PCLO: variants seen among roughly 807,000 people sequenced by gnomAD.
PCLO encodes protein piccolo.
PCLO carries 82 observed loss-of-function variants against 427.5 expected under a neutral mutation model. The ratio of observed to expected loss-of-function variants is 0.19; its 90% CI spans 0.16 to 0.23. The LOEUF is 0.23. Ranked by LOEUF, PCLO falls within the 10% of genes least tolerant of loss-of-function variation. The pLI, the probability that PCLO is intolerant of heterozygous loss-of-function variation, is 1.00. For synonymous variants in PCLO, 2,357 were observed against 2,155.4 expected (o/e 1.09, Z -2.59); for missense variants, 6,239 against 6,115.9 (o/e 1.02, Z -0.67).
At chr7:83,098,407 A>G (rs1244638423) in intron 3 of PCLO, among the ~76,000 whole-genome samples, 1 of 152,156 alleles carries the variant, frequency 6.6e-6, no homozygotes, top group African/African-American at 2.4e-5. Context: ...TGCTACACAT[A>G]AAGACTTGCG....
At chr7:83,050,997 A>G (rs1789240474) in intron 3 of PCLO, among the ~76,000 whole-genome samples, 1 of 152,096 alleles carries the variant, frequency 6.6e-6, no homozygotes, top group African/African-American at 2.4e-5. Flanking sequence ...GATGCAGGAA[A>G]ATCACTTGAC....
intron 3 of PCLO, among the ~76,000 whole-genome samples, chr7:83,118,349 T>C (rs1791185285): frequency 6.6e-6 from 1 of 152,060 alleles, no homozygotes; most frequent in Non-Finnish European, 1.5e-5. Flanking sequence ...ATAGAACTAC[T>C]ATACGTACAA....
At chr7:82,957,925 CA>C (rs745420953) in intron 4 of PCLO, among the ~76,000 whole-genome samples, 2 of 152,168 alleles carry the variant, frequency 1.3e-5, no homozygotes, top group African/African-American at 4.8e-5. Context: ...GCCATGACAA[CA>C]ATTTCGATTC....
chr7:83,019,999 A>G (rs1318785825), intron 3 of PCLO, among the ~76,000 whole-genome samples: 3 of 152,148 alleles, frequency 2.0e-5, no homozygotes, highest in Non-Finnish European at 4.4e-5. Context: ...AAGAGTCTAA[A>G]TGATGAAGAA....
intron 3 of PCLO, among the ~76,000 whole-genome samples, chr7:82,980,467 T>C (rs754360596): frequency 1.8e-4 from 27 of 152,112 alleles, no homozygotes; most frequent in Non-Finnish European, 3.4e-4. Flanking sequence ...GAAAGTGGCA[T>C]GATTGAGCCT....
rs530967084 is a variant in PCLO, at chr7:82,987,162, C to T, written c.3301-20675G>A. ...ACAGATGGAAATCTGAGGATACCAA[C>T]ATTTTGGCTGGATTTTACAAATAAC... On this transcript the variant is annotated intron_variant, in intron 3 of 24. Transcript: ENST00000333891. Among the ~76,000 whole-genome samples, 209 of 152,034 alleles carry T rather than the reference C, an allele frequency of 1.4e-3. 1 individual carries two copies. Among genetic ancestry groups the T allele is most frequent in the African/African-American group, 4.6e-3 (193 of 41,534 alleles).
chr7:83,107,328 A>C (rs1013269630), intron 3 of PCLO, among the ~76,000 whole-genome samples: 18 of 152,306 alleles, frequency 1.2e-4, no homozygotes, highest in Non-Finnish European at 1.0e-4. Flanking sequence ...GTAAGGAACA[A>C]AAATTAATAT....
chr7:82,906,813 A>AT (rs1420866793), intron 8 of PCLO, among the ~76,000 whole-genome samples: 3 of 151,948 alleles, frequency 2.0e-5, no homozygotes, highest in Non-Finnish European at 2.9e-5. Flanking sequence ...TGTATGTTAG[A>AT]TGTGAAAATG....
chr7:82,857,645 G>T (rs762507992), intron 10 of PCLO, among the ~76,000 whole-genome samples: 206 of 151,962 alleles, frequency 1.4e-3, no homozygotes, highest in Non-Finnish European at 6.3e-4. Flanking sequence ...ATACCCAGAA[G>T]TTTGCATAGA....
chr7:83,038,036 TA>T (rs1788858304), intron 3 of PCLO, among the ~76,000 whole-genome samples: 1 of 52,240 alleles, frequency 1.9e-5, no homozygotes, highest in Non-Finnish European at 3.0e-5. Flanking sequence ...TATATTTATA[TA>T]TTTATATATA....
chr7:82,797,712 A>T (rs1338805336), intron 22 of PCLO, among the ~76,000 whole-genome samples: 2 of 152,136 alleles, frequency 1.3e-5, no homozygotes, highest in African/African-American at 4.8e-5. Flanking sequence ...TCAATGATTG[A>T]TTAGTGGAGA....
rs1294594566 is a variant in PCLO at position 83,135,240 on chromosome 7, T to C, written c.2310A>G (p.Ser770=). 1.9e-6 allele frequency: 3 copies of C among 1,613,852 alleles called. No homozygotes were observed. The highest frequency in any genetic ancestry group is 2.7e-5 in the African/African-American group (2 of 74,916). The change falls in exon 3 of 25, where the codon TCA becomes TCG. Residue 770 remains serine, a synonymous_variant. Coordinates refer to ENST00000333891, the MANE Select transcript of PCLO (RefSeq NM_033026.6). ...GAATATCAGGTTTTGTTGTTGCTGA[T>C]GATGAAGATACAAGGTCAGTGGTTG... ...VKPTTDLVSS[S]SATTKPDIPS... is the part of the protein sequence containing the mutation.
chr7:82,830,380 G>A (rs1363626168), intron 16 of PCLO, among the ~76,000 whole-genome samples: 5 of 151,786 alleles, frequency 3.3e-5, no homozygotes, highest in Non-Finnish European at 7.4e-5. Flanking sequence ...GATGGTGATA[G>A]AATTAGTGTC....
intron 3 of PCLO, among the ~76,000 whole-genome samples, chr7:83,013,934 C>T (rs1788146784): frequency 6.6e-6 from 1 of 152,164 alleles, no homozygotes; most frequent in South Asian, 2.1e-4. Context: ...ATTATTGTTC[C>T]TGTTTCCATT....
intron 16 of PCLO, among the ~76,000 whole-genome samples, chr7:82,833,968 CTTAT>C (rs957874120): frequency 3.0e-4 from 45 of 152,216 alleles, no homozygotes; most frequent in African/African-American, 9.1e-4. Context: ...AAGGACCTCA[CTTAT>C]TGGCTTCCAC....
At chr7:82,916,972 T>C in intron 6 of PCLO, 99 bp from the exon 7 acceptor site, 8 of 819,644 alleles carry the variant, frequency 9.8e-6, no homozygotes, top group East Asian at 2.7e-5. Context: ...ATTTCATGTA[T>C]GATTTTGCTA....
chr7:82,781,688 C>T (rs1171576408), intron 22 of PCLO, among the ~76,000 whole-genome samples: 1 of 152,172 alleles, frequency 6.6e-6, no homozygotes, highest in African/African-American at 2.4e-5. Context: ...AATCTCTCTC[C>T]TGCCCTCCTT....
chr7:83,154,711 G>A (rs1379695420), intron 2 of PCLO, 37 bp downstream of exon 2: 1 of 1,427,974 alleles, frequency 7.0e-7, no homozygotes, highest in South Asian at 1.2e-5. Context: ...GGATGATATG[G>A]CTGAAGAGTA....
At chr7:82,907,895 C>A (rs1794228682) in intron 8 of PCLO, among the ~76,000 whole-genome samples, 1 of 151,918 alleles carries the variant, frequency 6.6e-6, no homozygotes, top group African/African-American at 2.4e-5. Context: ...GTATTTTAGA[C>A]AGTACTTATA....
Sources: allele counts gnomAD v4.1 joint callset (sites outside exome capture counted in the v4.1 genomes callset), GRCh38; gene constraint gnomAD v4.1.1; transcripts MANE v1.5; gene names NCBI Gene and HGNC (gene_info 2026-07-23, HGNC 2026-07-21).